The following ASB4 variants were observed in gnomAD, a reference collection of about 807,000 sequenced individuals.
ASB4 encodes the protein ankyrin repeat and SOCS box protein 4.
Under a neutral mutation model 38.6 loss-of-function variants are expected in ASB4, and 35 were observed. The observed-to-expected ratio is 0.91, with a 90% CI of 0.69 to 1.20. The LOEUF (loss-of-function observed/expected upper bound fraction) is 1.20, where lower values mean the gene tolerates loss of function less well. Among genes scored for constraint, ASB4 ranks in the 50% most tolerant of loss-of-function variants. ASB4 has a pLI of 0.00. For missense variants in ASB4, 557 were observed against 527.2 expected (o/e 1.06, Z -0.55); for synonymous variants, 195 against 201.3 (o/e 0.97, Z 0.26).
chr7:95,488,071 G>A (rs956528004), intron 1 of ASB4, among the ~76,000 whole-genome samples: 3 of 152,218 alleles, frequency 2.0e-5, no homozygotes, highest in African/African-American at 7.2e-5. Flanking sequence ...GCCGGGAGTG[G>A]TGGCTCACGC....
chr7:95,493,234 G>A (rs1379722335), intron 1 of ASB4, among the ~76,000 whole-genome samples: 1 of 152,102 alleles, frequency 6.6e-6, no homozygotes, highest in Non-Finnish European at 1.5e-5. Context: ...ACAATCCTCA[G>A]TCCATTAGAC....
upstream of ASB4, among the ~76,000 whole-genome samples, chr7:95,483,411 A>G (rs1326988472): frequency 2.6e-5 from 4 of 152,174 alleles, no homozygotes; most frequent in African/African-American, 7.2e-5. Context: ...GAAAGCCTGA[A>G]CTCTCAAACA....
downstream of ASB4, chr7:95,543,337 G>GA (rs1341952151): frequency 6.6e-6 from 1 of 152,000 alleles, no homozygotes; most frequent in Non-Finnish European, 1.5e-5. Flanking sequence ...GAAGATTGGG[G>GA]CCCTTCCTGG....
intron 2 of ASB4, among the ~76,000 whole-genome samples, chr7:95,510,249 G>A (rs972272564): frequency 5.3e-5 from 8 of 152,060 alleles, no homozygotes; most frequent in Non-Finnish European, 7.4e-5. Context: ...CCATTCTGTC[G>A]TTTTCTAACA....
chr7:95,540,445 G>A (rs1790956301), downstream of ASB4, among the ~76,000 whole-genome samples: 2 of 152,182 alleles, frequency 1.3e-5, no homozygotes, highest in African/African-American at 4.8e-5. Context: ...GCCTCTTGCT[G>A]TAAGAACAAG....
chr7:95,508,112 T>C (rs990394146), intron 2 of ASB4, among the ~76,000 whole-genome samples: 3 of 152,080 alleles, frequency 2.0e-5, no homozygotes, highest in African/African-American at 4.8e-5. Context: ...AAAAAACTGA[T>C]GGAAAAATCC....
intron 2 of ASB4, 113 bp downstream of exon 2, chr7:95,496,170 C>T: frequency 1.0e-6 from 1 of 990,696 alleles, no homozygotes; most frequent in Non-Finnish European, 1.5e-6. Context: ...TGCAATTATG[C>T]CTAGTACAGA....
At chr7:95,485,583 C>T (rs150946272), upstream of ASB4, among the ~76,000 whole-genome samples, 110 of 152,304 alleles carry the variant, frequency 7.2e-4, 1 homozygote, top group South Asian at 7.9e-3. Context: ...GAGCAAGACG[C>T]TGGATCTCCA....
Position 95,537,570 on chromosome 7 carries a change from G to T in ASB4, c.1093-1G>T. ...TTAATTTGTCTTGCCTTCCTTTTCA[G>T]AAATACTGGGATTTTTACCACTCTC... On this transcript the variant is annotated splice_acceptor_variant, in intron 4 of 4. Transcript: ENST00000325885. LOFTEE classifies it high-confidence loss of function. 1 of 1,588,028 alleles carries T rather than the reference G, an allele frequency of 6.3e-7. No individual in the cohort carries two copies. The highest frequency in any genetic ancestry group is 8.6e-7 in the Non-Finnish European group (1 of 1,165,062).
At chr7:95,471,420 C>T in the ASB4 span, among the ~76,000 whole-genome samples, 4 of 152,140 alleles carry the variant, frequency 2.6e-5, no homozygotes, top group African/African-American at 9.7e-5. Flanking sequence ...AGGGACCTTC[C>T]ACACTGCTAA....
intron 2 of ASB4, among the ~76,000 whole-genome samples, chr7:95,503,803 T>C (rs1790372347): frequency 6.6e-6 from 1 of 152,218 alleles, no homozygotes; most frequent in African/African-American, 2.4e-5. Flanking sequence ...TGCTATTTAA[T>C]GGGCTCTTTG....
chr7:95,500,794 C>T (rs537444716), intron 2 of ASB4, among the ~76,000 whole-genome samples: 1 of 152,218 alleles, frequency 6.6e-6, no homozygotes, highest in East Asian at 1.9e-4. Flanking sequence ...TTCTATGAAT[C>T]ACTTACTTTG....
chr7:95,483,699 A>G (rs1233794345), upstream of ASB4, among the ~76,000 whole-genome samples: 1 of 152,190 alleles, frequency 6.6e-6, no homozygotes, highest in African/African-American at 2.4e-5. Flanking sequence ...TAAATCTGTT[A>G]GTGAGCTAAG....
intron 2 of ASB4, among the ~76,000 whole-genome samples, chr7:95,515,159 T>TCTCTC (rs1562816842): frequency 1.6e-4 from 15 of 95,982 alleles, no homozygotes; most frequent in African/African-American, 3.6e-4. Flanking sequence ...CTTTCTTTCT[T>TCTCTC]TCTCTTTCTC....
rs6465467 is a variant in ASB4, at chr7:95,537,892, C to T, written c.*133C>T. On this transcript the variant is annotated 3_prime_UTR_variant, in exon 5 of 5. Transcript: ENST00000325885. ...ATTTCAAAACACTTTACAAACACTG[C>T]CATTAATCCTAGAATATCATGGTAT... 331,703 of 662,612 alleles carry T rather than the reference C, an allele frequency of 0.5. 89,100 individuals carry two copies. Among genetic ancestry groups the T allele is most frequent in the East Asian group, 0.8 (29,444 of 36,802 alleles). The allele number at this position is 662,612 out of a possible 1,614,324, so 41.0% of individuals were successfully genotyped here. A position where few individuals can be genotyped will look rare whatever the true frequency, so the allele number is the denominator to read the frequency against.
rs756975442 is a variant in ASB4 at position 95,536,481 on chromosome 7, A to G, written c.1023A>G (p.Val341=). Residue 341 remains valine (V), a synonymous_variant, in exon 4 of 5, where the codon GTA becomes GTG. Coordinates refer to ENST00000325885, the MANE Select transcript of ASB4 (RefSeq NM_016116.3). ...CHSCPKAIEV[V]VNAYEHIRWN... ...CTTGTCCTAAAGCAATTGAAGTTGTAGTCAATGCCTATGAACACATCAGAT... is the reference window on the plus strand; with the variant it reads ...CTTGTCCTAAAGCAATTGAAGTTGTGGTCAATGCCTATGAACACATCAGAT... 6.2e-7 allele frequency: 1 copy of G among 1,613,538 alleles called. No homozygotes were observed. Among genetic ancestry groups the G allele is most frequent in the Non-Finnish European group, 8.5e-7 (1 of 1,179,528 alleles).
intron 2 of ASB4, among the ~76,000 whole-genome samples, chr7:95,520,780 T>C (rs1395503905): frequency 1.3e-5 from 2 of 152,094 alleles, no homozygotes; most frequent in Admixed American, 6.6e-5. Flanking sequence ...TTTCTGTAGG[T>C]AGGTCTGTTT....
intron 2 of ASB4, among the ~76,000 whole-genome samples, chr7:95,516,542 G>C (rs1790585630): frequency 6.6e-6 from 1 of 152,286 alleles, no homozygotes; most frequent in Middle Eastern, 3.4e-3. Flanking sequence ...GCAATATTCT[G>C]TGGAGTTGGC....
At chr7:95,493,596 T>C (rs1041698093) in intron 1 of ASB4, among the ~76,000 whole-genome samples, 4 of 152,140 alleles carry the variant, frequency 2.6e-5, no homozygotes, top group African/African-American at 9.7e-5. Context: ...AAGCAATACA[T>C]GCACAGGATA....
Sources: allele counts gnomAD v4.1 joint callset (sites outside exome capture counted in the v4.1 genomes callset), GRCh38; gene constraint gnomAD v4.1.1; transcripts MANE v1.5; gene names NCBI Gene and HGNC (gene_info 2026-07-23, HGNC 2026-07-21).